Variants in RAPGEF4 observed in about 807,000 individuals in gnomAD.
RAPGEF4 encodes the protein Rap guanine nucleotide exchange factor 4, also known as RAP guanine-nucleotide-exchange factor (GEF) 4.
In RAPGEF4, 66 loss-of-function variants were observed where a neutral mutation model predicts 147.9. The observed-to-expected ratio is 0.45, with a 90% CI of 0.37 to 0.55. The LOEUF is 0.55. Ranked by LOEUF, RAPGEF4 falls within the 20% of genes least tolerant of loss-of-function variation. The pLI is 0.00. For synonymous variants in RAPGEF4, 419 were observed against 442.7 expected (o/e 0.95, Z 0.67); for missense variants, 1,071 against 1,257.3 (o/e 0.85, Z 2.24).
At chr2:172,990,272 A>G (rs1461733736) in intron 14 of RAPGEF4, among the ~76,000 whole-genome samples, 1 of 152,212 alleles carries the variant, frequency 6.6e-6, no homozygotes, top group Non-Finnish European at 1.5e-5. Flanking sequence ...CTTTGAACGA[A>G]TCAGATTAGG....
At chr2:172,973,107 C>CTTTTTTTT (rs58806286) in intron 10 of RAPGEF4, among the ~76,000 whole-genome samples, 7 of 132,588 alleles carry the variant, frequency 5.3e-5, no homozygotes, top group African/African-American at 5.5e-5. Flanking sequence ...CTTTTTTTTT[C>CTTTTTTTT]TTTTTTTTTT....
chr2:172,830,734 G>T (rs1242794939), intron 4 of RAPGEF4, among the ~76,000 whole-genome samples: 1 of 152,114 alleles, frequency 6.6e-6, no homozygotes, highest in African/African-American at 2.4e-5. Flanking sequence ...CTCCTGTGTA[G>T]CCAGGGCTAT....
At chr2:172,918,026 T>G (rs768302403) in intron 5 of RAPGEF4, 152 bp downstream of exon 5, 6 of 776,860 alleles carry the variant, frequency 7.7e-6, no homozygotes. Flanking sequence ...ACTGGAGATA[T>G]TTTTAAAGAA....
At chr2:172,840,983 A>C (rs1691522404) in intron 4 of RAPGEF4, among the ~76,000 whole-genome samples, 1 of 152,230 alleles carries the variant, frequency 6.6e-6, no homozygotes, top group Non-Finnish European at 1.5e-5. Context: ...TTAAAAGCTA[A>C]TGTGATAAGG....
intron 1 of RAPGEF4, among the ~76,000 whole-genome samples, chr2:172,751,621 G>A (rs1280625152): frequency 6.6e-6 from 1 of 152,198 alleles, no homozygotes; most frequent in African/African-American, 2.4e-5. Context: ...AGGGTGGTCA[G>A]AGAGGTCTTT....
intron 1 of RAPGEF4, among the ~76,000 whole-genome samples, chr2:172,737,400 C>G (rs1177210177): frequency 6.6e-6 from 1 of 152,124 alleles, no homozygotes; most frequent in East Asian, 1.9e-4. Context: ...ATATGGGATT[C>G]AGGATCTTGC....
chr2:172,832,301 A>G (rs1690446685), intron 4 of RAPGEF4, among the ~76,000 whole-genome samples: 1 of 152,206 alleles, frequency 6.6e-6, no homozygotes, highest in Admixed American at 6.5e-5. Flanking sequence ...AGGTAAAAAG[A>G]AACCTATTTT....
intron 6 of RAPGEF4, among the ~76,000 whole-genome samples, chr2:172,926,271 A>G (rs888272730): frequency 1.4e-4 from 21 of 152,234 alleles, no homozygotes; most frequent in African/African-American, 5.1e-4. Context: ...CACAATGATA[A>G]GAAAGCTTGA....
chr2:172,742,308 A>G (rs535321120), intron 1 of RAPGEF4, among the ~76,000 whole-genome samples: 2 of 152,222 alleles, frequency 1.3e-5, no homozygotes, highest in South Asian at 2.1e-4. Context: ...TGATATGTCT[A>G]TAGGTCTGGG....
chr2:173,010,254 T>C (rs985340508), intron 17 of RAPGEF4, among the ~76,000 whole-genome samples: 1 of 152,212 alleles, frequency 6.6e-6, no homozygotes, highest in African/African-American at 2.4e-5. Flanking sequence ...CTTAATGGTG[T>C]TTAAAATACT....
intron 29 of RAPGEF4, among the ~76,000 whole-genome samples, chr2:173,046,495 T>G (rs1575598624): frequency 6.6e-6 from 1 of 152,188 alleles, no homozygotes; most frequent in Non-Finnish European, 1.5e-5. Context: ...TTTCCCAGGG[T>G]TTTCGGTAAT....
chr2:173,036,015 C>A, intron 27 of RAPGEF4, 110 bp from the exon 28 acceptor site: 1 of 812,024 alleles, frequency 1.2e-6, no homozygotes, highest in South Asian at 1.5e-5. Context: ...CTGTGTTGTT[C>A]AAAGGTCAAC....
At chr2:172,857,708 C>T (rs1217325413) in intron 4 of RAPGEF4, among the ~76,000 whole-genome samples, 1 of 151,432 alleles carries the variant, frequency 6.6e-6, no homozygotes, top group Non-Finnish European at 1.5e-5. Context: ...ATGGCAAAAC[C>T]CCATGTGTAC....
Position 173,010,633 on chromosome 2 carries a change from T to G in RAPGEF4, c.1659-3831T>G, listed in dbSNP as rs558453596. Reference sequence around the variant, plus strand: ...CTGCTACCTGAAGGGAATATAGTTTTTCCCCCTTCCTACCTTTTTTGTAGG... The same window carrying G: ...CTGCTACCTGAAGGGAATATAGTTTGTCCCCCTTCCTACCTTTTTTGTAGG... On this transcript the variant is annotated intron_variant, in intron 17 of 30. Coordinates refer to ENST00000397081, the MANE Select transcript of RAPGEF4 (RefSeq NM_007023.4). Among the ~76,000 whole-genome samples the G allele has an allele frequency of 2.6e-5, 4 of 152,368 alleles. No individual in the cohort carries two copies. In the East Asian group the frequency reaches 7.7e-4, roughly 29 times the overall value.
At chr2:173,020,841 T>A in intron 23 of RAPGEF4, 126 bp downstream of exon 23, 1 of 675,678 alleles carries the variant, frequency 1.5e-6, no homozygotes, top group Non-Finnish European at 2.5e-6. Context: ...TTTCTTTTTC[T>A]GCAGTCTATT....
At chr2:172,924,953 T>G (rs762114356) in intron 6 of RAPGEF4, among the ~76,000 whole-genome samples, 3 of 152,230 alleles carry the variant, frequency 2.0e-5, no homozygotes, top group Non-Finnish European at 4.4e-5. Flanking sequence ...GTTTTGTTTT[T>G]GTTTTTGTTT....
At chr2:172,845,687 T>A (rs1057301783) in intron 4 of RAPGEF4, among the ~76,000 whole-genome samples, 3 of 152,200 alleles carry the variant, frequency 2.0e-5, no homozygotes, top group Admixed American at 2.0e-4. Flanking sequence ...GTGGTTAAGA[T>A]GCACATAACG....
chr2:172,822,126 C>A, intron 4 of RAPGEF4: 1 of 1,003,464 alleles, frequency 1.0e-6, no homozygotes, highest in Non-Finnish European at 1.4e-6. Flanking sequence ...ATGGCAGGGA[C>A]ATAATTTGAT....
At chr2:172,775,638 C>A (rs541964336) in intron 1 of RAPGEF4, among the ~76,000 whole-genome samples, 1 of 152,152 alleles carries the variant, frequency 6.6e-6, no homozygotes, top group Admixed American at 6.5e-5. Flanking sequence ...AGGCATCTGG[C>A]TTTTTTTGGC....
Sources: gnomAD v4.1 joint callset for allele counts (sites outside exome capture counted in the v4.1 genomes callset) on GRCh38, gnomAD v4.1.1 for gene constraint, MANE v1.5 for transcripts, NCBI Gene and HGNC (gene_info 2026-07-23, HGNC 2026-07-21) for gene names.